The following LYPLAL1 variants were observed in gnomAD, a reference collection of about 807,000 sequenced individuals.
LYPLAL1 encodes the protein lysophospholipase like 1.
In LYPLAL1, 23 loss-of-function variants were observed where a neutral mutation model predicts 19.7. The observed-to-expected ratio is 1.17, with a 90% CI of 0.84 to 1.65. The LOEUF (loss-of-function observed/expected upper bound fraction) is 1.65, where lower values mean the gene tolerates loss of function less well. Among genes scored for constraint, LYPLAL1 ranks in the 40% most tolerant of loss-of-function variants. The probability of loss-of-function intolerance (pLI) is 0.00; values close to 1 mark genes in which losing one functional copy is unlikely to be tolerated. For missense variants in LYPLAL1, 355 were observed against 279.4 expected, an observed-to-expected ratio of 1.27 and a Z score of -1.93; for synonymous variants, 119 against 96.3, an observed-to-expected ratio of 1.24 and a Z score of -1.38.
chr1:219,328,000 A>G, the LYPLAL1 span, among the ~76,000 whole-genome samples: 2 of 152,088 alleles, frequency 1.3e-5, no homozygotes, highest in Non-Finnish European at 2.9e-5. Context: ...TTTTTAAACT[A>G]AAAACTGTTC....
At chr1:219,335,386 A>G in the LYPLAL1 span, among the ~76,000 whole-genome samples, 19 of 151,978 alleles carry the variant, frequency 1.3e-4, no homozygotes, top group Non-Finnish European at 1.5e-5. Context: ...TCCAGATTTT[A>G]GAACACAGCA....
At chr1:219,246,610 A>T in the LYPLAL1 span, among the ~76,000 whole-genome samples, 1 of 152,198 alleles carries the variant, frequency 6.6e-6, no homozygotes, top group African/African-American at 2.4e-5. Context: ...TCTTGGAGAC[A>T]GGGTCTCACC....
the LYPLAL1 span, among the ~76,000 whole-genome samples, chr1:219,355,661 G>A: frequency 1.3e-5 from 2 of 151,758 alleles, no homozygotes; most frequent in African/African-American, 2.4e-5. Context: ...ACATGAAATC[G>A]CAAATATACC....
intron 2 of LYPLAL1, among the ~76,000 whole-genome samples, chr1:219,189,841 T>C (rs538948940): frequency 6.6e-6 from 1 of 151,742 alleles, no homozygotes; most frequent in African/African-American, 2.4e-5. Flanking sequence ...TGAAAATAGT[T>C]TCAAGTTTAC....
At chr1:219,193,364 A>T (rs1657356194) in intron 3 of LYPLAL1, 113 bp downstream of exon 3, 1 of 659,168 alleles carries the variant, frequency 1.5e-6, no homozygotes, top group Admixed American at 3.3e-5. Context: ...CGATGCATTC[A>T]TAGTTTCAGA....
chr1:219,372,156 C>A, the LYPLAL1 span, among the ~76,000 whole-genome samples: 1 of 152,160 alleles, frequency 6.6e-6, no homozygotes, highest in Non-Finnish European at 1.5e-5. Flanking sequence ...AACACAATTA[C>A]TGTCTTATTC....
the LYPLAL1 span, among the ~76,000 whole-genome samples, chr1:219,439,047 T>C: frequency 1.3e-5 from 2 of 152,184 alleles, no homozygotes; most frequent in Non-Finnish European, 2.9e-5. Flanking sequence ...GCTCTCCGAC[T>C]CACTCAAACT....
chr1:219,194,426 C>G (rs566132124), intron 3 of LYPLAL1, among the ~76,000 whole-genome samples: 1 of 152,054 alleles, frequency 6.6e-6, no homozygotes, highest in Non-Finnish European at 1.5e-5. Context: ...TAAGTCCCCA[C>G]TATGTGCTAC....
chr1:219,428,546 C>T, the LYPLAL1 span, among the ~76,000 whole-genome samples: 1 of 152,140 alleles, frequency 6.6e-6, no homozygotes. Flanking sequence ...GTGCAATCTA[C>T]AAAACCCAGC....
the LYPLAL1 span, among the ~76,000 whole-genome samples, chr1:219,369,083 A>G: frequency 6.6e-6 from 1 of 152,258 alleles, no homozygotes; most frequent in Non-Finnish European, 1.5e-5. Context: ...TATCTTTTAA[A>G]TATTTTTTGT....
the LYPLAL1 span, among the ~76,000 whole-genome samples, chr1:219,376,709 AG>A: frequency 6.6e-6 from 1 of 152,254 alleles, no homozygotes; most frequent in African/African-American, 2.4e-5. Context: ...GCACATAAAA[AG>A]GTGCTTAACA....
chr1:219,210,759 G>T (rs1291154462), intron 4 of LYPLAL1, 112 bp downstream of exon 4: 15 of 931,588 alleles, frequency 1.6e-5, no homozygotes, highest in Non-Finnish European at 2.3e-5. Flanking sequence ...ATGCACAGTT[G>T]ATATGGATTG....
chr1:219,432,305 C>T, the LYPLAL1 span, among the ~76,000 whole-genome samples: 1 of 152,182 alleles, frequency 6.6e-6, no homozygotes, highest in African/African-American at 2.4e-5. Flanking sequence ...TATTTGCTTT[C>T]TTAACCACAT....
chr1:219,271,107 G>C, the LYPLAL1 span: 1 of 152,396 alleles, frequency 6.6e-6, no homozygotes, highest in Admixed American at 6.5e-5. Context: ...ACCACGCCCA[G>C]CTAATTTTGT....
chr1:219,323,564 C>G, the LYPLAL1 span, among the ~76,000 whole-genome samples: 89 of 152,168 alleles, frequency 5.8e-4, no homozygotes, highest in Non-Finnish European at 1.1e-3. Flanking sequence ...CTGTTGTGAG[C>G]TCTCTCCTTT....
At chr1:219,415,353 G>A in the LYPLAL1 span, among the ~76,000 whole-genome samples, 1 of 152,236 alleles carries the variant, frequency 6.6e-6, no homozygotes, top group African/African-American at 2.4e-5. Flanking sequence ...ATCCCTGGAA[G>A]AGATGTTTTC....
At chr1:219,205,792 C>G in intron 3 of LYPLAL1, among the ~76,000 whole-genome samples, 1 of 152,188 alleles carries the variant, frequency 6.6e-6, no homozygotes, top group Admixed American at 6.5e-5. Flanking sequence ...CATTCTTCTA[C>G]TTTCTTTGAA....
At chr1:219,398,108 T>C in the LYPLAL1 span, among the ~76,000 whole-genome samples, 1 of 152,218 alleles carries the variant, frequency 6.6e-6, no homozygotes, top group African/African-American at 2.4e-5. Context: ...TCTAGCTAGG[T>C]TGTTGAAGTT....
At chr1:219,428,077 A>C in the LYPLAL1 span, among the ~76,000 whole-genome samples, 1 of 152,310 alleles carries the variant, frequency 6.6e-6, no homozygotes, top group South Asian at 2.1e-4. Context: ...AGCTGCATAC[A>C]TCTGATGACA....
Sources: gnomAD v4.1 joint callset for allele counts (sites outside exome capture counted in the v4.1 genomes callset) on GRCh38, gnomAD v4.1.1 for gene constraint, MANE v1.5 for transcripts, NCBI Gene and HGNC (gene_info 2026-07-23, HGNC 2026-07-21) for gene names.